Variants in TDRD3 observed in about 807,000 individuals in gnomAD.
The protein encoded by TDRD3 is tudor domain-containing protein 3.
Under a neutral mutation model 86.7 loss-of-function variants are expected in TDRD3, and 45 were observed. The ratio of observed to expected loss-of-function variants is 0.52; its 90% CI spans 0.41 to 0.67. TDRD3 has a LOEUF of 0.67. Ranked by LOEUF, TDRD3 falls within the 30% of genes least tolerant of loss-of-function variation. The pLI is 0.00. For synonymous variants in TDRD3, 298 were observed against 301.7 expected (o/e 0.99, Z 0.13); for missense variants, 814 against 889.0 (o/e 0.92, Z 1.07).
chr13:60,405,927 A>G (rs1343844373), intron 1 of TDRD3, among the ~76,000 whole-genome samples: 1 of 152,194 alleles, frequency 6.6e-6, no homozygotes, highest in Non-Finnish European at 1.5e-5. Flanking sequence ...GTAAATGGAC[A>G]GGACTTTTTG....
Position 60,529,227 on chromosome 13 carries a change from C to G in TDRD3, c.1992+10C>G. On this transcript the variant is annotated intron_variant, in intron 11 of 13. Transcript: ENST00000377881. ...TTGGGAAGACAACAAGGTATGGATG[C>G]TTTAAAGATATTATACACTAATATT... The G allele has an allele frequency of 1.3e-6, 2 of 1,566,492 alleles. No homozygotes were observed. The highest frequency in any genetic ancestry group is 1.7e-6 in the Non-Finnish European group (2 of 1,160,332).
At chr13:60,413,815 T>C (rs1333231245) in intron 1 of TDRD3, among the ~76,000 whole-genome samples, 1 of 152,104 alleles carries the variant, frequency 6.6e-6, no homozygotes, top group Admixed American at 6.6e-5. Context: ...ATCTCAAATA[T>C]ATATATCATA....
At chr13:60,469,562 A>G (rs1956030880) in intron 5 of TDRD3, among the ~76,000 whole-genome samples, 1 of 152,184 alleles carries the variant, frequency 6.6e-6, no homozygotes, top group Non-Finnish European at 1.5e-5. Flanking sequence ...GAGTGATAAA[A>G]ATTTACATTT....
rs1164100642 is a variant in TDRD3 at position 60,483,761 on chromosome 13, G to C, written c.496-14G>C. 5.0e-6 allele frequency: 8 copies of C among 1,598,070 alleles called. No individual in the cohort carries two copies. Among genetic ancestry groups the C allele is most frequent in the Non-Finnish European group, 6.8e-6 (8 of 1,172,616 alleles). ...ATGTATAACTGCTCTTTTGTGACTG[G>C]ATTTTTTCCGCAGAGCTTATCAAAA... On this transcript the variant is annotated splice_polypyrimidine_tract_variant and intron_variant, in intron 5 of 13. Transcript: ENST00000377881.
At chr13:60,443,925 A>G (rs1443204440) in intron 2 of TDRD3, among the ~76,000 whole-genome samples, 4 of 152,088 alleles carry the variant, frequency 2.6e-5, no homozygotes, top group South Asian at 2.1e-4. Context: ...CCTGTGAACA[A>G]ATCTCTTACC....
chr13:60,492,777 A>C (rs979607498), intron 7 of TDRD3, among the ~76,000 whole-genome samples: 61 of 152,274 alleles, frequency 4.0e-4, no homozygotes, highest in African/African-American at 1.4e-3. Flanking sequence ...GATTTGAGTT[A>C]AATGTAAATA....
chr13:60,462,538 A>G (rs1408076542), intron 4 of TDRD3, among the ~76,000 whole-genome samples: 1 of 152,180 alleles, frequency 6.6e-6, no homozygotes, highest in African/African-American at 2.4e-5. Context: ...TCTTAGAAGG[A>G]AGGTGAAACA....
At chr13:60,531,662 C>A (rs1030473134) in intron 11 of TDRD3, among the ~76,000 whole-genome samples, 1 of 152,018 alleles carries the variant, frequency 6.6e-6, no homozygotes, top group Non-Finnish European at 1.5e-5. Context: ...AACAGGCAAC[C>A]CTTACAGAGT....
intron 10 of TDRD3, among the ~76,000 whole-genome samples, chr13:60,523,311 A>T (rs146398535): frequency 0.02 from 3,118 of 152,334 alleles, 45 homozygotes; most frequent in Middle Eastern, 0.041. Context: ...GTACAGATTT[A>T]AATGATTTGT....
At chr13:60,496,291 A>AAGT (rs1956713443) in intron 8 of TDRD3, among the ~76,000 whole-genome samples, 1 of 2,298 alleles carries the variant, frequency 4.4e-4, no homozygotes, top group East Asian at 7.8e-3. Flanking sequence ...AAACTCCCAT[A>AAGT]TATATATATA....
intron 4 of TDRD3, among the ~76,000 whole-genome samples, chr13:60,466,911 C>A (rs559303194): frequency 6.6e-6 from 1 of 152,050 alleles, no homozygotes; most frequent in Non-Finnish European, 1.5e-5. Flanking sequence ...TTTTGAAGAA[C>A]CTGATTAGGT....
At chr13:60,483,359 T>C (rs1257078462) in intron 5 of TDRD3, among the ~76,000 whole-genome samples, 1 of 152,116 alleles carries the variant, frequency 6.6e-6, no homozygotes, top group Admixed American at 6.5e-5. Flanking sequence ...AAATCACCCT[T>C]ATGTTAACTA....
chr13:60,544,635 G>A (rs1595097761), intron 12 of TDRD3, among the ~76,000 whole-genome samples: 1 of 151,994 alleles, frequency 6.6e-6, no homozygotes, highest in South Asian at 2.1e-4. Flanking sequence ...CCTTTGAATA[G>A]TATATTAATT....
intron 11 of TDRD3, among the ~76,000 whole-genome samples, chr13:60,532,692 G>C (rs1425620606): frequency 6.6e-6 from 1 of 152,018 alleles, no homozygotes; most frequent in African/African-American, 2.4e-5. Flanking sequence ...GAGAATTTGG[G>C]AACTTCTGGA....
intron 1 of TDRD3, among the ~76,000 whole-genome samples, chr13:60,403,728 C>G (rs903923818): frequency 1.3e-5 from 2 of 152,140 alleles, no homozygotes; most frequent in African/African-American, 4.8e-5. Context: ...TACCATAGCA[C>G]TGGAACTCCA....
At chr13:60,551,199 A>G (rs1162538394) in intron 12 of TDRD3, among the ~76,000 whole-genome samples, 2 of 152,214 alleles carry the variant, frequency 1.3e-5, no homozygotes, top group Non-Finnish European at 2.9e-5. Flanking sequence ...TGGAAAGAGC[A>G]TGAATTTTAG....
chr13:60,513,497 CTTT>C (rs1269755840), intron 10 of TDRD3, among the ~76,000 whole-genome samples: 2 of 152,166 alleles, frequency 1.3e-5, no homozygotes, highest in East Asian at 3.9e-4. Context: ...ATTTTCCAGA[CTTT>C]TATGCTATAT....
intron 3 of TDRD3, among the ~76,000 whole-genome samples, chr13:60,447,066 T>C (rs1462743330): frequency 6.6e-6 from 1 of 152,246 alleles, no homozygotes; most frequent in East Asian, 1.9e-4. Flanking sequence ...TGGTATAAAA[T>C]GATATTTTCT....
At chr13:60,521,820 C>G (rs1308888269) in intron 10 of TDRD3, among the ~76,000 whole-genome samples, 1 of 152,064 alleles carries the variant, frequency 6.6e-6, no homozygotes, top group Non-Finnish European at 1.5e-5. Flanking sequence ...TCACTTGAAC[C>G]CGGGAGGTGG....
Sources: allele counts gnomAD v4.1 joint callset (sites outside exome capture counted in the v4.1 genomes callset), GRCh38; gene constraint gnomAD v4.1.1; transcripts MANE v1.5; gene names NCBI Gene and HGNC (gene_info 2026-07-23, HGNC 2026-07-21).